ATP2B2: variants seen among roughly 807,000 people sequenced by gnomAD.
ATP2B2 encodes plasma membrane calcium-transporting ATPase 2.
ATP2B2 carries 15 observed loss-of-function variants against 120.0 expected under a neutral mutation model. That is an observed-to-expected ratio of 0.12 (90% confidence interval 0.08 to 0.19). ATP2B2 has a LOEUF of 0.19. Ranked by LOEUF, ATP2B2 falls within the 10% of genes least tolerant of loss-of-function variation. ATP2B2 has a pLI of 1.00. For synonymous variants in ATP2B2, 694 were observed against 700.3 expected (o/e 0.99, Z 0.14); for missense variants, 1,045 against 1,719.8 (o/e 0.61, Z 6.94).
At chr3:10,685,532 G>C (rs936604583) in intron 1 of ATP2B2, among the ~76,000 whole-genome samples, 2 of 152,166 alleles carry the variant, frequency 1.3e-5, no homozygotes, top group Non-Finnish European at 2.9e-5. Flanking sequence ...GTATGTGTGT[G>C]TGTGTGTGTG....
chr3:10,475,052 C>A (rs2065152020), intron 1 of ATP2B2, among the ~76,000 whole-genome samples: 2 of 152,246 alleles, frequency 1.3e-5, no homozygotes, highest in Admixed American at 6.5e-5. Flanking sequence ...TCAGCCTGGG[C>A]TTCTGCACTG....
chr3:10,527,965 G>C (rs1400818128), intron 3 of ATP2B2, among the ~76,000 whole-genome samples: 2 of 152,154 alleles, frequency 1.3e-5, no homozygotes, highest in Non-Finnish European at 2.9e-5. Flanking sequence ...AGGTGGGGTG[G>C]GGAGGGGCAG....
chr3:10,436,066 A>G (rs987958371), intron 2 of ATP2B2, among the ~76,000 whole-genome samples: 1 of 152,134 alleles, frequency 6.6e-6, no homozygotes, highest in East Asian at 1.9e-4. Context: ...AGCTAGGCCA[A>G]TCACCTCCCA....
intron 1 of ATP2B2, among the ~76,000 whole-genome samples, chr3:10,657,897 A>C (rs1022820421): frequency 1.9e-4 from 29 of 152,192 alleles, no homozygotes; most frequent in African/African-American, 6.5e-4. Flanking sequence ...TCTGAGATGA[A>C]ACTTCCAGAG....
chr3:10,602,401 C>T (rs2068949089), intron 2 of ATP2B2, among the ~76,000 whole-genome samples: 2 of 152,308 alleles, frequency 1.3e-5, no homozygotes, highest in Middle Eastern at 6.8e-3. Context: ...TTTCAGGCCA[C>T]ACAGTCAGGA....
At chr3:10,633,064 A>G (rs2069913401) in intron 1 of ATP2B2, among the ~76,000 whole-genome samples, 1 of 152,234 alleles carries the variant, frequency 6.6e-6, no homozygotes, top group Non-Finnish European at 1.5e-5. Flanking sequence ...AAGGAGATGC[A>G]GGGGCTGGCT....
At chr3:10,428,931 C>T (rs1017037670) in intron 2 of ATP2B2, among the ~76,000 whole-genome samples, 4 of 152,224 alleles carry the variant, frequency 2.6e-5, no homozygotes, top group Admixed American at 2.6e-4. Flanking sequence ...GATTTAGCAC[C>T]TGCTTGGCAG....
intron 12 of ATP2B2, among the ~76,000 whole-genome samples, chr3:10,365,580 C>T (rs1189035720): frequency 3.3e-5 from 5 of 150,102 alleles, no homozygotes; most frequent in Admixed American, 3.3e-4. Context: ...CCCCAGCTCA[C>T]CAGTGCAGAG....
chr3:10,606,910 CACAGAGAGAGAGAGAG>C (rs1559483044), intron 2 of ATP2B2, among the ~76,000 whole-genome samples: 1 of 46,044 alleles, frequency 2.2e-5, no homozygotes, highest in African/African-American at 8.7e-5. Context: ...CACACACACA[CACAGAGAGAGAGAGAG>C]AGAGAGAGAG....
At chr3:10,578,750 C>G (rs1319344845) in intron 2 of ATP2B2, among the ~76,000 whole-genome samples, 1 of 152,112 alleles carries the variant, frequency 6.6e-6, no homozygotes, top group Non-Finnish European at 1.5e-5. Flanking sequence ...ACCATTGATA[C>G]CTGGAGCACA....
At chr3:10,400,591 C>T (rs1349055915) in intron 5 of ATP2B2, among the ~76,000 whole-genome samples, 1 of 152,206 alleles carries the variant, frequency 6.6e-6, no homozygotes, top group African/African-American at 2.4e-5. Context: ...GTACCTGGCA[C>T]ACAGCTGGTG....
At chr3:10,508,290 C>T (rs150610286), upstream of ATP2B2, among the ~76,000 whole-genome samples, 10 of 152,292 alleles carry the variant, frequency 6.6e-5, no homozygotes, top group East Asian at 1.9e-4. Context: ...ACTCATTCTT[C>T]GAAGTCCAAC....
chr3:10,395,609 A>T (rs1432517280), intron 5 of ATP2B2, among the ~76,000 whole-genome samples: 1 of 152,256 alleles, frequency 6.6e-6, no homozygotes, highest in Admixed American at 6.5e-5. Context: ...CATCCTTGCA[A>T]CTTTTCTGAA....
At chr3:10,471,851 C>T (rs914959962) in intron 1 of ATP2B2, among the ~76,000 whole-genome samples, 7 of 151,886 alleles carry the variant, frequency 4.6e-5, no homozygotes, top group East Asian at 1.9e-4. Context: ...GAGGCCGAGG[C>T]GGGCGGATAA....
intron 1 of ATP2B2, among the ~76,000 whole-genome samples, chr3:10,503,114 G>T (rs1489870549): frequency 6.6e-6 from 1 of 152,226 alleles, no homozygotes; most frequent in Admixed American, 6.5e-5. Context: ...ACGCAGAGGA[G>T]GGCAGCGGGA....
chr3:10,657,974 C>A (rs1301263049), intron 1 of ATP2B2, among the ~76,000 whole-genome samples: 2 of 152,202 alleles, frequency 1.3e-5, no homozygotes, highest in Non-Finnish European at 2.9e-5. Context: ...GCTGGTGATA[C>A]CCAGGCAAAC....
chr3:10,513,722 C>T (rs117459569), intron 3 of ATP2B2, among the ~76,000 whole-genome samples: 4,064 of 152,164 alleles, frequency 0.027, 121 homozygotes, highest in East Asian at 0.14. Context: ...CACAGAGTCG[C>T]GAATGTGCAG....
Position 10,637,246 on chromosome 3 carries a change from G to A in ATP2B2, c.-459-17285C>T, listed in dbSNP as rs2070046159. 2.6e-5 allele frequency among the ~76,000 whole-genome samples: 4 copies of A among 151,842 alleles called. No homozygotes were observed. The South Asian group carries it at 8.3e-4, about 32-fold the overall frequency. ...TACAAAAATATCTAGTACCCAATAA[G>A]GTAAAATTCACAGTGTCTGATATCC... On this transcript the variant is annotated intron_variant, in intron 1 of 21. Coordinates refer to the ATP2B2 transcript ENST00000646379.
intron 6 of ATP2B2, among the ~76,000 whole-genome samples, chr3:10,387,069 G>T (rs1364726675): frequency 6.6e-6 from 1 of 152,136 alleles, no homozygotes; most frequent in Non-Finnish European, 1.5e-5. Flanking sequence ...GCTTAGATCT[G>T]CCTAACTGCT....
Sources: gnomAD v4.1 joint callset for allele counts (sites outside exome capture counted in the v4.1 genomes callset) on GRCh38, gnomAD v4.1.1 for gene constraint, MANE v1.5 for transcripts, NCBI Gene and HGNC (gene_info 2026-07-23, HGNC 2026-07-21) for gene names.